The following GRIK2 variants were observed in gnomAD, a reference collection of about 807,000 sequenced individuals.
GRIK2 encodes glutamate ionotropic receptor kainate type subunit 2, also known as glutamate receptor ionotropic, kainate 2.
Under a neutral mutation model 100.3 loss-of-function variants are expected in GRIK2, and 32 were observed. That is an observed-to-expected ratio of 0.32 (90% CI 0.24 to 0.43). GRIK2 has a LOEUF of 0.43. GRIK2 is among the 20% of genes least tolerant of loss of function. The pLI is 1.00. For missense variants in GRIK2, 843 were observed against 1,114.9 expected (o/e 0.76, Z 3.47); for synonymous variants, 417 against 389.4 (o/e 1.07, Z -0.83).
intron 4 of GRIK2, among the ~76,000 whole-genome samples, chr6:101,650,687 A>C (rs1262360608): frequency 6.6e-6 from 1 of 152,130 alleles, no homozygotes. Context: ...TATCAATGCC[A>C]GCATGATTTT....
intron 4 of GRIK2, among the ~76,000 whole-genome samples, chr6:101,627,601 G>A (rs778644220): frequency 5.9e-5 from 9 of 152,100 alleles, no homozygotes; most frequent in African/African-American, 1.2e-4. Flanking sequence ...CATATAAAAC[G>A]TAACAAACTT....
At chr6:101,814,113 G>A (rs528793076) in intron 9 of GRIK2, among the ~76,000 whole-genome samples, 2 of 152,204 alleles carry the variant, frequency 1.3e-5, no homozygotes, top group Admixed American at 6.5e-5. Flanking sequence ...TCAAACAGAA[G>A]CTGATAATAC....
intron 11 of GRIK2, among the ~76,000 whole-genome samples, chr6:101,876,321 A>G (rs1326295656): frequency 6.6e-6 from 1 of 151,896 alleles, no homozygotes; most frequent in Non-Finnish European, 1.5e-5. Context: ...AATATACAAC[A>G]TTAAAGATTA....
At chr6:101,500,690 A>G (rs1562183211) in intron 2 of GRIK2, among the ~76,000 whole-genome samples, 1 of 152,112 alleles carries the variant, frequency 6.6e-6, no homozygotes, top group African/African-American at 2.4e-5. Flanking sequence ...AAAAGCAACT[A>G]TATAAGACTA....
At chr6:101,698,871 G>T (rs1238453628) in intron 7 of GRIK2, among the ~76,000 whole-genome samples, 1 of 152,076 alleles carries the variant, frequency 6.6e-6, no homozygotes, top group African/African-American at 2.4e-5. Flanking sequence ...TTTTGTTTAG[G>T]ATATAACTAT....
intron 14 of GRIK2, among the ~76,000 whole-genome samples, chr6:101,937,067 T>A (rs535588602): frequency 3.3e-5 from 5 of 152,148 alleles, no homozygotes; most frequent in Non-Finnish European, 7.4e-5. Flanking sequence ...GGACAGAAGT[T>A]TAATCCTTTT....
intron 2 of GRIK2, among the ~76,000 whole-genome samples, chr6:101,479,203 C>T (rs952604152): frequency 3.3e-5 from 5 of 152,156 alleles, no homozygotes; most frequent in African/African-American, 7.2e-5. Context: ...ATTTCTTTGA[C>T]GTAATTTTTC....
Position 101,686,213 on chromosome 6 carries a change from T to C in GRIK2, c.811T>C (p.Tyr271His), listed in dbSNP as rs142951380. 22 of 1,612,628 alleles carry C rather than the reference T, an allele frequency of 1.4e-5. No homozygotes were observed. Among genetic ancestry groups the C allele is most frequent in the Admixed American group, 5.0e-5 (3 of 59,954 alleles). The part of the protein sequence containing the change: ...LFALDVEPYR[Y>H]SGVNMTGFRI... ...TGCTCTTGATGTTGAGCCCTACCGA[T>C]ACAGTGGTGTTAACATGACAGGGTT... is the stretch of plus-strand genomic sequence containing the variant. The change falls in exon 7 of 17, where the codon TAC becomes CAC. Residue 271 changes from tyrosine to histidine, a missense_variant. Around this residue, in one of 3 missense-constraint regions of GRIK2, gnomAD observed 519 missense variants for 643.8 expected, o/e 0.81. Coordinates refer to ENST00000369134, the MANE Select transcript of GRIK2 (RefSeq NM_021956.5).
chr6:101,565,935 G>GTATATA (rs60158757), intron 2 of GRIK2, among the ~76,000 whole-genome samples: 1,254 of 109,478 alleles, frequency 0.011, 16 homozygotes, highest in Non-Finnish European at 0.015. Flanking sequence ...ATATATATGT[G>GTATATA]TATATATATA....
intron 4 of GRIK2, among the ~76,000 whole-genome samples, chr6:101,650,523 G>C (rs1160988153): frequency 6.6e-6 from 1 of 152,120 alleles, no homozygotes; most frequent in East Asian, 1.9e-4. Flanking sequence ...CTGATGCAGG[G>C]AGTGAGGTGC....
At chr6:101,727,746 T>C (rs1774972902) in intron 7 of GRIK2, among the ~76,000 whole-genome samples, 1 of 151,922 alleles carries the variant, frequency 6.6e-6, no homozygotes, top group East Asian at 1.9e-4. Flanking sequence ...GAAGAGGTGA[T>C]AATGTGAAGT....
chr6:101,551,277 C>G (rs1022272432), intron 2 of GRIK2, among the ~76,000 whole-genome samples: 1 of 152,072 alleles, frequency 6.6e-6, no homozygotes, highest in African/African-American at 2.4e-5. Context: ...CACTTGCAAA[C>G]AGAAATTTTA....
At chr6:101,558,050 A>T (rs1776829400) in intron 2 of GRIK2, among the ~76,000 whole-genome samples, 1 of 152,040 alleles carries the variant, frequency 6.6e-6, no homozygotes. Flanking sequence ...ATTACCACCC[A>T]CTTCTTCCTG....
At chr6:101,851,729 A>C (rs1203537198) in intron 10 of GRIK2, among the ~76,000 whole-genome samples, 1 of 151,772 alleles carries the variant, frequency 6.6e-6, no homozygotes, top group African/African-American at 2.4e-5. Context: ...TTCAATAATT[A>C]ATACCATTTT....
intron 14 of GRIK2, among the ~76,000 whole-genome samples, chr6:102,019,728 C>T (rs917357931): frequency 2.0e-5 from 3 of 152,010 alleles, no homozygotes; most frequent in African/African-American, 4.8e-5. Flanking sequence ...TTGGGAATCA[C>T]AGCAAGAGCA....
intron 12 of GRIK2, among the ~76,000 whole-genome samples, chr6:101,897,469 TTC>T (rs1221409275): frequency 6.6e-6 from 1 of 151,834 alleles, no homozygotes; most frequent in African/African-American, 2.4e-5. Context: ...AAAATTTCAC[TTC>T]TGTTTTCCAT....
chr6:101,694,510 T>A (rs993640427), intron 7 of GRIK2, among the ~76,000 whole-genome samples: 1 of 152,048 alleles, frequency 6.6e-6, no homozygotes, highest in Admixed American at 6.6e-5. Flanking sequence ...CAAATACTGG[T>A]TGAAATTATT....
At chr6:101,922,964 C>T (rs1221307514) in intron 12 of GRIK2, among the ~76,000 whole-genome samples, 1 of 152,120 alleles carries the variant, frequency 6.6e-6, no homozygotes, top group Non-Finnish European at 1.5e-5. Context: ...ATGTCTAAAA[C>T]CAAAGCTAGT....
chr6:101,626,684 A>G (rs1455072500), intron 4 of GRIK2, 47 bp downstream of exon 4: 2 of 1,526,076 alleles, frequency 1.3e-6, no homozygotes, highest in African/African-American at 1.4e-5. Flanking sequence ...AATATAGATA[A>G]TTTTCTGAAG....
Sources: gnomAD v4.1 joint callset for allele counts (sites outside exome capture counted in the v4.1 genomes callset) on GRCh38, gnomAD v4.1.1 for gene constraint, gnomAD v4.1.1 regional missense constraint, MANE v1.5 for transcripts, NCBI Gene and HGNC (gene_info 2026-07-23, HGNC 2026-07-21) for gene names.